Variants in PAN3 observed in about 807,000 individuals in gnomAD.
PAN3 encodes the protein PAN2-PAN3 deadenylation complex subunit PAN3.
PAN3 carries 19 observed loss-of-function variants against 96.2 expected under a neutral mutation model. The ratio of observed to expected loss-of-function variants is 0.20; its 90% CI spans 0.14 to 0.29. The LOEUF is 0.29. Ranked by LOEUF, PAN3 falls within the 10% of genes least tolerant of loss-of-function variation. PAN3 has a pLI of 1.00. For missense variants in PAN3, 882 were observed against 1,108.1 expected (o/e 0.80, Z 2.90); for synonymous variants, 433 against 406.6 (o/e 1.06, Z -0.78).
At chr13:28,225,805 AG>A (rs1397082591) in intron 6 of PAN3, among the ~76,000 whole-genome samples, 2 of 152,216 alleles carry the variant, frequency 1.3e-5, no homozygotes, top group Non-Finnish European at 2.9e-5. Context: ...TCTTCAGACT[AG>A]TTCTGTGTGT....
intron 5 of PAN3, among the ~76,000 whole-genome samples, chr13:28,216,127 C>T (rs1222095041): frequency 2.0e-5 from 3 of 149,044 alleles, no homozygotes; most frequent in Admixed American, 6.7e-5. Context: ...TAAATCAGTA[C>T]GTTTTAATGG....
chr13:28,178,750 A>T (rs1428823267), intron 4 of PAN3, among the ~76,000 whole-genome samples: 1 of 152,182 alleles, frequency 6.6e-6, no homozygotes, highest in Non-Finnish European at 1.5e-5. Flanking sequence ...ATATCTCATT[A>T]ATATTAATTT....
chr13:28,164,952 G>A (rs911099020), intron 1 of PAN3, among the ~76,000 whole-genome samples: 1 of 152,194 alleles, frequency 6.6e-6, no homozygotes, highest in Non-Finnish European at 1.5e-5. Context: ...TCTGTTGCCA[G>A]GCTGGAGCGC....
intron 4 of PAN3, among the ~76,000 whole-genome samples, chr13:28,192,282 C>T (rs1293693727): frequency 6.6e-6 from 1 of 151,488 alleles, no homozygotes; most frequent in African/African-American, 2.4e-5. Flanking sequence ...GTTGGCCAGG[C>T]TGGTCTCGAA....
intron 14 of PAN3, among the ~76,000 whole-genome samples, chr13:28,276,671 G>A (rs992680212): frequency 6.6e-6 from 1 of 152,148 alleles, no homozygotes; most frequent in Admixed American, 6.5e-5. Context: ...GAGGTTTGCA[G>A]CATTTTTGAT....
At chr13:28,145,901 G>A (rs1870564002) in intron 1 of PAN3, among the ~76,000 whole-genome samples, 1 of 148,532 alleles carries the variant, frequency 6.7e-6, no homozygotes, top group South Asian at 2.2e-4. Flanking sequence ...TGAGTAGCTA[G>A]GATTACAGGC....
At position 28,215,988 on chromosome 13, in the gene PAN3, T is replaced by G. The variant is rs1425841133; in HGVS notation, c.853-4243T>G. Reference sequence around the variant, plus strand: ...AGTTTCAGTTGGCCATTTAAGTTAATAGTAAAAGACTGGTTAAAGATAACA... The same window carrying G: ...AGTTTCAGTTGGCCATTTAAGTTAAGAGTAAAAGACTGGTTAAAGATAACA... On this transcript the variant is annotated intron_variant, in intron 5 of 18. Coordinates refer to ENST00000380958, the MANE Select transcript of PAN3 (RefSeq NM_175854.8). The G allele has an allele frequency of 4.0e-6, 3 of 754,716 alleles. No individual in the cohort carries two copies. In the South Asian group the frequency reaches 4.7e-5, roughly 12 times the overall value. The allele number at this position is 754,716 out of a possible 1,614,324, so 46.8% of individuals were successfully genotyped here. A position where few individuals can be genotyped will look rare whatever the true frequency, so the allele number is the denominator to read the frequency against.
Position 28,256,494 on chromosome 13 carries a change from G to T in PAN3, c.1203G>T (p.Thr401=). 1 of 1,613,972 alleles carries T rather than the reference G, an allele frequency of 6.2e-7. No homozygotes were observed. Among genetic ancestry groups the T allele is most frequent in the Non-Finnish European group, 8.5e-7 (1 of 1,179,938 alleles). ...TCCAAAAGGAAACTGTTGGTGGGAC[G>T]ACTTACTTCTATACAGACACAACTC... ...QVIQKETVGG[T]TYFYTDTTPA... is the part of the protein sequence containing the mutation. The change falls in exon 7 of 19, where the codon ACG becomes ACT. Residue 401 remains threonine, a synonymous_variant. Transcript: ENST00000380958.
In PAN3 at chr13:28,260,506, G is replaced by A. The variant is rs563703969; in HGVS notation, c.1308G>A (p.Pro436=). ...CACCTCACGTTGCTTATATGCAACCGAAAGCAAACGCACCTTCCTTCTTCA... is the reference window on the plus strand; with the variant it reads ...CACCTCACGTTGCTTATATGCAACCAAAAGCAAACGCACCTTCCTTCTTCA... ...PTAPHVAYMQ[P]KANAPSFFMA... Residue 436 remains proline, a synonymous_variant, in exon 8 of 19, where the codon CCG becomes CCA. Coordinates refer to ENST00000380958, the MANE Select transcript of PAN3 (RefSeq NM_175854.8). The A allele has an allele frequency of 1.6e-5, 26 of 1,613,592 alleles. No individual in the cohort carries two copies. The highest frequency in any genetic ancestry group is 1.7e-4 in the Middle Eastern group (1 of 6,060).
chr13:28,254,674 G>T (rs1884996973), intron 6 of PAN3, among the ~76,000 whole-genome samples: 1 of 151,834 alleles, frequency 6.6e-6, no homozygotes, highest in Non-Finnish European at 1.5e-5. Context: ...TAAAATAAAA[G>T]GTTTATATAA....
intron 12 of PAN3, among the ~76,000 whole-genome samples, chr13:28,269,093 T>C (rs1048232364): frequency 1.3e-5 from 2 of 152,198 alleles, no homozygotes; most frequent in Admixed American, 1.3e-4. Flanking sequence ...GGCTGTCTTA[T>C]GCATTTCAGA....
intron 4 of PAN3, among the ~76,000 whole-genome samples, chr13:28,183,507 TA>T (rs1399322382): frequency 2.6e-5 from 4 of 152,266 alleles, no homozygotes; most frequent in African/African-American, 9.6e-5. Flanking sequence ...GGAGAGCTTT[TA>T]GGCTTAGAGA....
chr13:28,166,291 G>A (rs1873527646), intron 1 of PAN3, among the ~76,000 whole-genome samples: 1 of 152,206 alleles, frequency 6.6e-6, no homozygotes, highest in South Asian at 2.1e-4. Flanking sequence ...AAATTGGAAA[G>A]AAGAAAGGGA....
chr13:28,198,101 C>T (rs1038962036), intron 5 of PAN3, among the ~76,000 whole-genome samples: 2 of 151,658 alleles, frequency 1.3e-5, no homozygotes, highest in Non-Finnish European at 2.9e-5. Flanking sequence ...GGTGAAACCC[C>T]GTCTCTACAA....
At chr13:28,225,678 A>G (rs1047194287) in intron 6 of PAN3, among the ~76,000 whole-genome samples, 1 of 152,210 alleles carries the variant, frequency 6.6e-6, no homozygotes, top group African/African-American at 2.4e-5. Flanking sequence ...AAGAAAACTC[A>G]GTCTTCTGCT....
At chr13:28,279,949 G>A (rs908270445) in intron 15 of PAN3, among the ~76,000 whole-genome samples, 1 of 151,278 alleles carries the variant, frequency 6.6e-6, no homozygotes, top group Non-Finnish European at 1.5e-5. Context: ...ACAGGTGCCC[G>A]CCACCATGCC....
At chr13:28,218,550 T>G (rs1236795470) in intron 5 of PAN3, among the ~76,000 whole-genome samples, 1 of 152,196 alleles carries the variant, frequency 6.6e-6, no homozygotes, top group Non-Finnish European at 1.5e-5. Context: ...TATGTAACTC[T>G]TAATAGTTAG....
At chr13:28,181,235 A>T (rs186638548) in intron 4 of PAN3, among the ~76,000 whole-genome samples, 247 of 152,078 alleles carry the variant, frequency 1.6e-3, no homozygotes, top group African/African-American at 5.9e-3. Flanking sequence ...ACAGTCTGTT[A>T]CAATGGCTCA....
intron 6 of PAN3, among the ~76,000 whole-genome samples, chr13:28,254,028 T>C (rs1884951010): frequency 6.6e-6 from 1 of 152,172 alleles, no homozygotes; most frequent in Non-Finnish European, 1.5e-5. Context: ...ATACCTACTT[T>C]GATGTCAGAA....
Sources: allele counts gnomAD v4.1 joint callset (sites outside exome capture counted in the v4.1 genomes callset), GRCh38; gene constraint gnomAD v4.1.1; transcripts MANE v1.5; gene names NCBI Gene and HGNC (gene_info 2026-07-23, HGNC 2026-07-21).